Variants in CCNB3 observed in about 807,000 individuals in gnomAD.
The protein encoded by CCNB3 is cyclin B3, also known as G2/mitotic-specific cyclin-B3.
A neutral mutation model predicts 68.0 loss-of-function variants in CCNB3; 12 were observed. That is an observed-to-expected ratio of 0.18 (90% CI 0.11 to 0.29). The LOEUF is 0.29. Among genes scored for constraint, CCNB3 ranks in the 10% least tolerant of loss-of-function variants. CCNB3 has a pLI of 1.00. For synonymous variants in CCNB3, 354 were observed against 388.9 expected (o/e 0.91, Z 1.06); for missense variants, 904 against 993.1 (o/e 0.91, Z 1.21).
rs1468102009 is a variant in CCNB3, at chrX:50,324,653, T to C, written c.3516+10705T>C. ...TTTTATTTTTATTTTATTCTTGTTT[T>C]GCTAAGGTTTATTTTGTTGTTTTCC... On this transcript the variant is annotated intron_variant, in intron 8 of 12. Transcript: ENST00000376042. Among the ~76,000 whole-genome samples, 3 of 112,290 alleles carry C rather than the reference T, an allele frequency of 2.7e-5. No homozygotes were observed. In the Admixed American group the frequency reaches 2.8e-4, roughly 11 times the overall value.
intron 1 of CCNB3, among the ~76,000 whole-genome samples, chrX:50,227,330 A>C (rs1252734245): frequency 1.2e-5 from 1 of 84,541 alleles, no homozygotes; most frequent in Non-Finnish European, 2.2e-5. Flanking sequence ...ATATATATAA[A>C]TATACACACA....
intron 1 of CCNB3, among the ~76,000 whole-genome samples, chrX:50,208,901 A>G (rs1212668105): frequency 8.9e-6 from 1 of 111,906 alleles, no homozygotes; most frequent in Non-Finnish European, 1.9e-5. Context: ...TTTAAAATTA[A>G]TAATTGAATT....
At chrX:50,334,461 T>C (rs1342865869) in intron 8 of CCNB3, among the ~76,000 whole-genome samples, 1 of 112,572 alleles carries the variant, frequency 8.9e-6, no homozygotes, top group Non-Finnish European at 1.9e-5. Flanking sequence ...GGGGGGCCTT[T>C]ATATTCAGGT....
At chrX:50,319,924 G>C (rs1921930070) in intron 8 of CCNB3, among the ~76,000 whole-genome samples, 1 of 110,988 alleles carries the variant, frequency 9.0e-6, no homozygotes, top group African/African-American at 3.3e-5. Flanking sequence ...CTTCAAAAAT[G>C]GGAGCAACGT....
At chrX:50,342,485 T>C in intron 9 of CCNB3, 146 bp downstream of exon 9, 2 of 524,020 alleles carry the variant, frequency 3.8e-6, no homozygotes, top group Non-Finnish European at 5.7e-6. Context: ...GGTGGTCCCA[T>C]AAGAGTATAA....
At chrX:50,221,094 G>T (rs1935664246) in intron 1 of CCNB3, among the ~76,000 whole-genome samples, 1 of 111,608 alleles carries the variant, frequency 9.0e-6, no homozygotes, top group South Asian at 3.8e-4. Flanking sequence ...ATGGTAGTTT[G>T]TACTTCTGTG....
In CCNB3 at chrX:50,308,641, T is replaced by C. The variant is rs1557213895; in HGVS notation, c.472T>C (p.Leu158=). 2 of 1,210,230 alleles carry C rather than the reference T, an allele frequency of 1.7e-6. No individual in the cohort carries two copies. Among genetic ancestry groups the C allele is most frequent in the African/African-American group, 1.7e-5 (1 of 57,666 alleles). The change falls in exon 6 of 13, where the codon TTA becomes CTA. Residue 158 remains leucine (L), a synonymous_variant. Transcript: ENST00000376042. ...TEEASLFRKP[L]VLKEEPTIED... Reference sequence around the variant, plus strand: ...GGAGGCATCTCTCTTCAGAAAGCCATTAGTTTTAAAGGAGGAACCCACTAT... The same window carrying C: ...GGAGGCATCTCTCTTCAGAAAGCCACTAGTTTTAAAGGAGGAACCCACTAT...
intron 8 of CCNB3, among the ~76,000 whole-genome samples, 199 bp downstream of exon 8, chrX:50,314,147 T>C (rs1196650580): frequency 3.6e-5 from 4 of 112,587 alleles, no homozygotes; most frequent in African/African-American, 1.3e-4. Context: ...ATATACTAAG[T>C]GCTCTAAGAA....
chrX:50,281,655 T>C (rs1037104878), intron 1 of CCNB3, among the ~76,000 whole-genome samples: 3 of 111,520 alleles, frequency 2.7e-5, no homozygotes, highest in Non-Finnish European at 1.9e-5. Flanking sequence ...AGGAGTGAGA[T>C]GGCAAAGCAA....
chrX:50,279,453 A>AAT (rs1233081854), intron 1 of CCNB3, among the ~76,000 whole-genome samples: 2 of 73,232 alleles, frequency 2.7e-5, no homozygotes, highest in South Asian at 1.1e-3. Flanking sequence ...TAAATATATA[A>AAT]ATATATATAA....
chrX:50,348,332 GT>G (rs1227450433), intron 11 of CCNB3, among the ~76,000 whole-genome samples: 1 of 112,058 alleles, frequency 8.9e-6, no homozygotes, highest in Admixed American at 9.4e-5. Flanking sequence ...TTTATGAAAA[GT>G]TGGGGGTAAA....
intron 8 of CCNB3, among the ~76,000 whole-genome samples, chrX:50,337,328 C>T (rs1332041868): frequency 3.6e-5 from 4 of 110,644 alleles, no homozygotes; most frequent in Non-Finnish European, 5.7e-5. Context: ...GGTGTTGGCT[C>T]GGACAGGACT....
intron 4 of CCNB3, among the ~76,000 whole-genome samples, chrX:50,289,311 C>T (rs1055337577): frequency 9.0e-6 from 1 of 110,945 alleles, no homozygotes; most frequent in Non-Finnish European, 1.9e-5. Context: ...TAGCACCCCT[C>T]GTCCTCAGGC....
At chrX:50,351,116 T>C in intron 11 of CCNB3, 125 bp from the exon 12 acceptor site, 1 of 748,991 alleles carries the variant, frequency 1.3e-6, no homozygotes, top group Admixed American at 2.7e-5. Flanking sequence ...GGTGTGAGTC[T>C]TTGAAATGTT....
intron 6 of CCNB3, 44 bp downstream of exon 6, chrX:50,311,540 G>T: frequency 2.1e-6 from 2 of 957,174 alleles, no homozygotes; most frequent in Non-Finnish European, 2.8e-6. Context: ...ATTGTTCTTT[G>T]ATATCCTGGA....
chrX:50,318,287 G>C (rs782682896), intron 8 of CCNB3, among the ~76,000 whole-genome samples: 1 of 110,139 alleles, frequency 9.1e-6, no homozygotes, highest in South Asian at 4.1e-4. Flanking sequence ...GCTGAGGTGG[G>C]TGGATCATGA....
chrX:50,311,570 GTTT>G, intron 6 of CCNB3, 74 bp downstream of exon 6: 4 of 601,804 alleles, frequency 6.6e-6, no homozygotes, highest in Non-Finnish European at 9.4e-6. Context: ...TAGCAAAGTT[GTTT>G]TTTTTTTTTT....
chrX:50,338,117 C>T (rs966681370), intron 8 of CCNB3, among the ~76,000 whole-genome samples: 6 of 111,833 alleles, frequency 5.4e-5, no homozygotes, highest in Non-Finnish European at 7.5e-5. Context: ...ATTGCCTACC[C>T]GGGAGCGCTC....
chrX:50,351,549 T>C (rs1557221171), intron 12 of CCNB3, 58 bp from the exon 13 acceptor site: 1 of 1,100,393 alleles, frequency 9.1e-7, no homozygotes. Context: ...ACTTGTTCCA[T>C]AGAGCATGAT....
Sources: gnomAD v4.1 joint callset for allele counts (sites outside exome capture counted in the v4.1 genomes callset) on GRCh38, gnomAD v4.1.1 for gene constraint, MANE v1.5 for transcripts, NCBI Gene and HGNC (gene_info 2026-07-23, HGNC 2026-07-21) for gene names.